The following PPP2R2B variants were observed in gnomAD, a reference collection of about 807,000 sequenced individuals.
PPP2R2B encodes serine/threonine-protein phosphatase 2A 55 kDa regulatory subunit B beta isoform.
A neutral mutation model predicts 46.0 loss-of-function variants in PPP2R2B; 5 were observed. That is an observed-to-expected ratio of 0.11 (90% CI 0.06 to 0.23). The LOEUF (loss-of-function observed/expected upper bound fraction) is 0.23, where lower values mean the gene tolerates loss of function less well. Among genes scored for constraint, PPP2R2B ranks in the 10% least tolerant of loss-of-function variants. The pLI, the probability that PPP2R2B is intolerant of heterozygous loss-of-function variation, is 1.00. For synonymous variants in PPP2R2B, 215 were observed against 206.7 expected, an observed-to-expected ratio of 1.04 and a Z score of -0.34; for missense variants, 367 against 575.0, an observed-to-expected ratio of 0.64 and a Z score of 3.70.
chr5:147,078,525 C>A (rs374089764), intron 2 of PPP2R2B, among the ~76,000 whole-genome samples: 1 of 152,162 alleles, frequency 6.6e-6, no homozygotes, highest in East Asian at 1.9e-4. Context: ...CGGTGGCTCA[C>A]GCCTGTAATC....
intron 1 of PPP2R2B, among the ~76,000 whole-genome samples, chr5:146,979,133 G>A (rs756146997): frequency 3.9e-5 from 6 of 152,038 alleles, no homozygotes; most frequent in South Asian, 2.1e-4. Context: ...GGACATATAC[G>A]CTTCTACCTG....
chr5:146,793,250 T>C (rs1382476738), intron 2 of PPP2R2B, among the ~76,000 whole-genome samples: 1 of 152,200 alleles, frequency 6.6e-6, no homozygotes, highest in Non-Finnish European at 1.5e-5. Context: ...TGAAAAAGGT[T>C]TGTTCAGGAG....
At chr5:146,841,892 T>C (rs1259200938) in intron 2 of PPP2R2B, among the ~76,000 whole-genome samples, 1 of 152,146 alleles carries the variant, frequency 6.6e-6, no homozygotes, top group Non-Finnish European at 1.5e-5. Flanking sequence ...GTAACAAACC[T>C]GCACGTTCTG....
At chr5:146,979,371 T>G (rs1320595017) in intron 1 of PPP2R2B, among the ~76,000 whole-genome samples, 1 of 152,214 alleles carries the variant, frequency 6.6e-6, no homozygotes, top group African/African-American at 2.4e-5. Flanking sequence ...CACAATTTTC[T>G]TGTTTACTTT....
At chr5:147,009,852 T>TAC (rs1179700390) in intron 1 of PPP2R2B, among the ~76,000 whole-genome samples, 5 of 142,796 alleles carry the variant, frequency 3.5e-5, no homozygotes, top group South Asian at 2.3e-4. Context: ...TTTATATATA[T>TAC]ACACACACAC....
At position 146,909,958 on chromosome 5, in the gene PPP2R2B, G is replaced by T. The variant is rs367808400; in HGVS notation, c.79+145707C>A. On this transcript the variant is annotated intron_variant, in intron 1 of 8. Transcript: ENST00000336640. ...CTGATTGACATCCATTTATCTAATT[G>T]CAGCTAGAAGATTTAATTTCCATTT... 2.5e-4 allele frequency among the ~76,000 whole-genome samples: 38 copies of T among 152,260 alleles called. 1 individual carries two copies. In the East Asian group the frequency reaches 4.4e-3, roughly 18 times the overall value.
intron 2 of PPP2R2B, among the ~76,000 whole-genome samples, chr5:146,772,131 C>T (rs1228953601): frequency 6.6e-6 from 1 of 151,894 alleles, no homozygotes; most frequent in Non-Finnish European, 1.5e-5. Flanking sequence ...ATAATGCAAC[C>T]TTTAAAAAGG....
chr5:146,694,639 A>G (rs1156825697), intron 4 of PPP2R2B, among the ~76,000 whole-genome samples: 2 of 152,176 alleles, frequency 1.3e-5, no homozygotes, highest in East Asian at 3.8e-4. Flanking sequence ...GGGGGAGAAT[A>G]CAAATCTGTA....
intron 1 of PPP2R2B, among the ~76,000 whole-genome samples, chr5:146,944,668 T>C (rs961732884): frequency 6.6e-6 from 1 of 152,142 alleles, no homozygotes; most frequent in African/African-American, 2.4e-5. Flanking sequence ...AGAGCTCTAT[T>C]TATTTCAAGT....
At chr5:146,983,826 AT>A (rs1021996126) in intron 1 of PPP2R2B, among the ~76,000 whole-genome samples, 1 of 151,204 alleles carries the variant, frequency 6.6e-6, no homozygotes, top group Non-Finnish European at 1.5e-5. Flanking sequence ...TTCTTTTATA[AT>A]TTTTTTTCTC....
At chr5:146,689,349 T>G (rs966607893) in intron 5 of PPP2R2B, among the ~76,000 whole-genome samples, 1 of 152,232 alleles carries the variant, frequency 6.6e-6, no homozygotes, top group African/African-American at 2.4e-5. Flanking sequence ...TCAATAACAC[T>G]GGTTCCATAA....
intron 5 of PPP2R2B, among the ~76,000 whole-genome samples, chr5:146,673,120 C>A (rs1777481526): frequency 6.6e-6 from 1 of 152,140 alleles, no homozygotes; most frequent in South Asian, 2.1e-4. Flanking sequence ...ATGGTTTTTT[C>A]CTTCTGATAA....
chr5:146,675,025 C>T (rs322991), intron 5 of PPP2R2B, among the ~76,000 whole-genome samples: 3,343 of 152,206 alleles, frequency 0.022, 113 homozygotes, highest in African/African-American at 0.076. Flanking sequence ...TTCAGTGGCA[C>T]GATCTCAGCT....
At chr5:146,666,349 C>T (rs749662001) in intron 5 of PPP2R2B, among the ~76,000 whole-genome samples, 2 of 152,052 alleles carry the variant, frequency 1.3e-5, no homozygotes, top group Non-Finnish European at 2.9e-5. Flanking sequence ...GATATGGAAC[C>T]GTAAATATAG....
intron 2 of PPP2R2B, among the ~76,000 whole-genome samples, chr5:146,826,690 A>G (rs1758599692): frequency 6.6e-6 from 1 of 152,166 alleles, no homozygotes; most frequent in Admixed American, 6.6e-5. Flanking sequence ...TAATTACACC[A>G]TTTAAAAATT....
At chr5:146,959,693 G>A (rs1188324096) in intron 1 of PPP2R2B, among the ~76,000 whole-genome samples, 3 of 152,132 alleles carry the variant, frequency 2.0e-5, no homozygotes, top group Non-Finnish European at 4.4e-5. Flanking sequence ...GAAGAAGTTA[G>A]CATCAGTAAG....
intron 1 of PPP2R2B, among the ~76,000 whole-genome samples, chr5:146,911,370 C>T (rs541607172): frequency 2.6e-5 from 4 of 152,288 alleles, no homozygotes; most frequent in Admixed American, 6.5e-5. Flanking sequence ...GGGTAAGCCA[C>T]GGTGGCCAGC....
At chr5:146,945,440 T>G (rs1764449750) in intron 1 of PPP2R2B, among the ~76,000 whole-genome samples, 1 of 152,210 alleles carries the variant, frequency 6.6e-6, no homozygotes, top group African/African-American at 2.4e-5. Context: ...AAGCAAATAC[T>G]TTTCCAGAAT....
intron 1 of PPP2R2B, among the ~76,000 whole-genome samples, chr5:147,024,833 T>G (rs1374893700): frequency 6.6e-6 from 1 of 152,120 alleles, no homozygotes; most frequent in African/African-American, 2.4e-5. Flanking sequence ...AGAAGAAAAT[T>G]TATAGCTTTA....
Sources: gnomAD v4.1 joint callset for allele counts (sites outside exome capture counted in the v4.1 genomes callset) on GRCh38, gnomAD v4.1.1 for gene constraint, MANE v1.5 for transcripts, NCBI Gene and HGNC (gene_info 2026-07-23, HGNC 2026-07-21) for gene names.